RASGRF2: variants seen among roughly 807,000 people sequenced by gnomAD.
RASGRF2 encodes ras-specific guanine nucleotide-releasing factor 2.
In RASGRF2, 76 loss-of-function variants were observed where a neutral mutation model predicts 151.0. The ratio of observed to expected loss-of-function variants is 0.50; its 90% CI spans 0.42 to 0.61. RASGRF2 has a LOEUF of 0.61. RASGRF2 is among the 20% of genes least tolerant of loss of function. The probability of loss-of-function intolerance (pLI) is 0.00; values close to 1 mark genes in which losing one functional copy is unlikely to be tolerated. For synonymous variants in RASGRF2, 504 were observed against 566.5 expected (o/e 0.89, Z 1.57); for missense variants, 1,148 against 1,564.6 (o/e 0.73, Z 4.49).
At chr5:81,017,272 C>G (rs1218917082) in intron 1 of RASGRF2, among the ~76,000 whole-genome samples, 1 of 152,204 alleles carries the variant, frequency 6.6e-6, no homozygotes, top group Non-Finnish European at 1.5e-5. Flanking sequence ...GCATTTGATC[C>G]TCACCTAGAG....
chr5:81,093,301 A>G (rs926680573), intron 10 of RASGRF2, among the ~76,000 whole-genome samples: 1 of 152,238 alleles, frequency 6.6e-6, no homozygotes, highest in Non-Finnish European at 1.5e-5. Context: ...TCAAATCACT[A>G]CAATGTACCA....
intron 4 of RASGRF2, among the ~76,000 whole-genome samples, chr5:81,072,817 G>T (rs976722358): frequency 6.6e-6 from 1 of 152,192 alleles, no homozygotes; most frequent in East Asian, 1.9e-4. Context: ...AAATAACTGG[G>T]ACTACAGGCC....
At chr5:81,137,443 C>T (rs919490399) in intron 17 of RASGRF2, among the ~76,000 whole-genome samples, 1 of 152,100 alleles carries the variant, frequency 6.6e-6, no homozygotes, top group Non-Finnish European at 1.5e-5. Context: ...TCTAATAATT[C>T]CCAGGTCTTT....
At chr5:81,145,090 A>G (rs1216428135) in intron 17 of RASGRF2, among the ~76,000 whole-genome samples, 1 of 152,116 alleles carries the variant, frequency 6.6e-6, no homozygotes, top group East Asian at 1.9e-4. Flanking sequence ...TAAAAATAGA[A>G]AATTAGCTGG....
At chr5:81,191,731 G>A (rs1755155935) in intron 18 of RASGRF2, among the ~76,000 whole-genome samples, 1 of 151,634 alleles carries the variant, frequency 6.6e-6, no homozygotes, top group South Asian at 2.1e-4. Flanking sequence ...TCCCTTTTGG[G>A]GCGTAAAGAT....
rs74521959 is a variant in RASGRF2 at position 81,049,877 on chromosome 5, C to T, written c.395+6894C>T. Among the ~76,000 whole-genome samples, 866 of 152,226 alleles carry T rather than the reference C, an allele frequency of 5.7e-3. 7 individuals carry two copies. Among genetic ancestry groups the T allele is most frequent in the Non-Finnish European group, 6.1e-3 (414 of 68,000 alleles). ...AGCCTCCATTATATGTAGAAATTCA[C>T]CAACATGTATTTTTCTATATTGAAC... is the stretch of plus-strand genomic sequence containing the variant. On this transcript the variant is annotated intron_variant, in intron 2 of 26. Transcript: ENST00000265080.
intron 22 of RASGRF2, among the ~76,000 whole-genome samples, chr5:81,211,673 G>T (rs141803815): frequency 2.6e-5 from 4 of 152,138 alleles, no homozygotes; most frequent in Admixed American, 2.6e-4. Flanking sequence ...AAGATTACAC[G>T]CCCTATATTC....
chr5:80,969,573 C>T (rs1477666022), intron 1 of RASGRF2, among the ~76,000 whole-genome samples: 5 of 151,606 alleles, frequency 3.3e-5, no homozygotes, highest in Admixed American at 2.0e-4. Context: ...CTCAGCCTCC[C>T]AAGTAGCTGG....
intron 16 of RASGRF2, among the ~76,000 whole-genome samples, chr5:81,126,337 A>C (rs1209011621): frequency 6.6e-6 from 1 of 152,248 alleles, no homozygotes; most frequent in African/African-American, 2.4e-5. Context: ...TTCTATCAGT[A>C]ACATGATATG....
At chr5:81,088,591 T>C (rs2112492951) in intron 9 of RASGRF2, 1 of 152,346 alleles carries the variant, frequency 6.6e-6, no homozygotes, top group Middle Eastern at 3.4e-3. Flanking sequence ...TGTTTTATGT[T>C]GTATTTTTCT....
At chr5:81,054,287 T>G (rs1471193430) in intron 2 of RASGRF2, among the ~76,000 whole-genome samples, 1 of 152,148 alleles carries the variant, frequency 6.6e-6, no homozygotes, top group Non-Finnish European at 1.5e-5. Flanking sequence ...TAATCCATCT[T>G]GAATTAATTT....
chr5:80,991,666 ATTTTTAAAAAACC>A lies in RASGRF2; in HGVS notation c.288+30643_288+30655del, dbSNP rs1748655069. Among the ~76,000 whole-genome samples, 3 of 152,308 alleles carry A rather than the reference ATTTTTAAAAAACC, an allele frequency of 2.0e-5. No homozygotes were observed. The South Asian group carries it at 6.2e-4, about 32-fold the overall frequency. Reference sequence around the variant, plus strand: ...ATCAATGAGATGTATATTGATGTACATTTTTAAAAAACCTTCTGAACTATTGAATGCATTTCCA... The same window carrying A: ...ATCAATGAGATGTATATTGATGTACATTCTGAACTATTGAATGCATTTCCA... On this transcript the variant is annotated intron_variant, in intron 1 of 26. Coordinates refer to ENST00000265080, the MANE Select transcript of RASGRF2 (RefSeq NM_006909.3).
chr5:81,151,440 A>G (rs1319659844), intron 17 of RASGRF2, among the ~76,000 whole-genome samples: 1 of 147,260 alleles, frequency 6.8e-6, no homozygotes, highest in Non-Finnish European at 1.5e-5. Context: ...GCTGGAGTGC[A>G]GTGGTATCAT....
intron 25 of RASGRF2, 80 bp downstream of exon 25, chr5:81,217,553 T>G: frequency 2.1e-6 from 2 of 944,726 alleles, no homozygotes; most frequent in Non-Finnish European, 2.9e-6. Context: ...AAAGTCAATG[T>G]CTGCTTTTTT....
In RASGRF2 at chr5:81,139,385, T is replaced by TTTTC. The variant is rs145846253; in HGVS notation, c.2686+12242_2686+12245dup. Reference sequence around the variant, plus strand: ...TCCTTTCCAATCTATACGCCTTTCATTTTCTTTCTTTCTTTCTTTCTTTTT... The same window carrying TTTTC: ...TCCTTTCCAATCTATACGCCTTTCATTTTCTTTCTTTCTTTCTTTCTTTCTTTTT... On this transcript the variant is annotated intron_variant, in intron 17 of 26. Coordinates refer to ENST00000265080, the MANE Select transcript of RASGRF2 (RefSeq NM_006909.3). 2.3e-3 allele frequency among the ~76,000 whole-genome samples: 306 copies of TTTTC among 132,850 alleles called. 1 individual carries two copies. Among genetic ancestry groups the TTTTC allele is most frequent in the Non-Finnish European group, 4.1e-3 (254 of 61,290 alleles). 87.2% of individuals were successfully genotyped at this position (132,850 alleles called of 152,430 possible).
In RASGRF2 at chr5:81,087,085, C is replaced by T. The variant is rs151266370; in HGVS notation, c.1390+132C>T. The T allele has an allele frequency of 4.5e-4, 380 of 836,800 alleles. 2 individuals are homozygous for T. In the Middle Eastern group the frequency reaches 9.8e-3, roughly 22 times the overall value. 51.8% of individuals were successfully genotyped at this position (836,800 alleles called of 1,614,324 possible). A position where few individuals can be genotyped will look rare whatever the true frequency, so the allele number is the denominator to read the frequency against. ...CGAAGGACCCCCCCACGGCCTTCGC[C>T]GAGGCGGTGGTTGAGGCCCACCTTT... On this transcript the variant is annotated intron_variant, in intron 9 of 26. Coordinates refer to ENST00000265080, the MANE Select transcript of RASGRF2 (RefSeq NM_006909.3).
chr5:81,033,952 G>GA (rs1339218240), intron 1 of RASGRF2, among the ~76,000 whole-genome samples: 4 of 152,082 alleles, frequency 2.6e-5, no homozygotes, highest in Admixed American at 6.6e-5. Context: ...AAATTCACAA[G>GA]AAAAAATCAA....
At chr5:81,137,390 A>G (rs1373720742) in intron 17 of RASGRF2, among the ~76,000 whole-genome samples, 2 of 152,182 alleles carry the variant, frequency 1.3e-5, no homozygotes, top group East Asian at 3.8e-4. Flanking sequence ...ACTCAGTCAT[A>G]AGTTGAACAG....
intron 15 of RASGRF2, among the ~76,000 whole-genome samples, chr5:81,116,169 G>T (rs751752364): frequency 4.4e-4 from 56 of 127,768 alleles, no homozygotes; most frequent in Middle Eastern, 5.7e-3. Flanking sequence ...TGCAACCTCT[G>T]CCTCCCAGGT....
Sources: allele counts gnomAD v4.1 joint callset (sites outside exome capture counted in the v4.1 genomes callset), GRCh38; gene constraint gnomAD v4.1.1; transcripts MANE v1.5; gene names NCBI Gene and HGNC (gene_info 2026-07-23, HGNC 2026-07-21).